Variants in SCGB2B2 observed in about 807,000 individuals in gnomAD.
SCGB2B2 encodes the protein secretoglobin family 2B member 2.
Under a neutral mutation model 7.6 loss-of-function variants are expected in SCGB2B2, and 11 were observed. The ratio of observed to expected loss-of-function variants is 1.45; its 90% CI spans 0.91 to 2.40. The LOEUF (loss-of-function observed/expected upper bound fraction) is 2.40, where lower values mean the gene tolerates loss of function less well. Among genes scored for constraint, SCGB2B2 ranks in the 30% most tolerant of loss-of-function variants. SCGB2B2 has a pLI of 0.00. For synonymous variants in SCGB2B2, 50 were observed against 48.6 expected, an observed-to-expected ratio of 1.03 and a Z score of -0.12; for missense variants, 104 against 115.4, an observed-to-expected ratio of 0.90 and a Z score of 0.45.
At chr19:34,655,561 T>C (rs529565706) in intron 1 of SCGB2B2, among the ~76,000 whole-genome samples, 1 of 151,306 alleles carries the variant, frequency 6.6e-6, no homozygotes, top group East Asian at 1.9e-4. Context: ...GTATTATGTC[T>C]CCCTAAAGTG....
intron 1 of SCGB2B2, among the ~76,000 whole-genome samples, chr19:34,632,484 A>G (rs1458068743): frequency 1.3e-5 from 2 of 152,236 alleles, no homozygotes; most frequent in African/African-American, 4.8e-5. Context: ...GAGGGATGGC[A>G]GTAGTACACA....
intron 1 of SCGB2B2, among the ~76,000 whole-genome samples, chr19:34,657,331 T>TC (rs2067309141): frequency 6.6e-6 from 1 of 151,112 alleles, no homozygotes; most frequent in South Asian, 2.1e-4. Context: ...TCAAGACCCA[T>TC]CAGTGTGCTG....
chr19:34,615,893 G>A (rs541743645), intron 1 of SCGB2B2, among the ~76,000 whole-genome samples: 1 of 142,646 alleles, frequency 7.0e-6, no homozygotes, highest in Non-Finnish European at 1.5e-5. Flanking sequence ...CTGTGTCCAT[G>A]TGTTCTCATT....
intron 1 of SCGB2B2, among the ~76,000 whole-genome samples, chr19:34,630,017 A>T (rs1294716970): frequency 1.3e-5 from 2 of 152,028 alleles, no homozygotes; most frequent in African/African-American, 2.4e-5. Context: ...TGGGGAAAGG[A>T]TTCCCTATTT....
intron 1 of SCGB2B2, among the ~76,000 whole-genome samples, chr19:34,666,012 C>CCAGG (rs1172684316): frequency 6.6e-6 from 1 of 152,112 alleles, no homozygotes; most frequent in Non-Finnish European, 1.5e-5. Context: ...ATGCTCAGCC[C>CCAGG]CCTGCGGCCC....
rs188199893 is a variant in SCGB2B2 at position 34,600,879 on chromosome 19, T to C, written c.-2031-4285A>G. 6.8e-4 allele frequency among the ~76,000 whole-genome samples: 103 copies of C among 151,914 alleles called. 1 individual carries two copies. Among genetic ancestry groups the C allele is most frequent in the Middle Eastern group, 3.4e-3 (1 of 294 alleles). ...ATAAAAAGAAGTTTAAAGTTTACTA[T>C]AATTAAATTTATCAATGCTATATTT... is the stretch of plus-strand genomic sequence containing the variant. On this transcript the variant is annotated intron_variant, in intron 1 of 3. Coordinates refer to ENST00000601241, the MANE Select transcript of SCGB2B2 (RefSeq NM_001025591.4).
chr19:34,590,386 C>A (rs1327545333), downstream of SCGB2B2, among the ~76,000 whole-genome samples: 1 of 130,612 alleles, frequency 7.7e-6, no homozygotes, highest in Non-Finnish European at 1.8e-5. Flanking sequence ...TCCGTTCATC[C>A]ATCCATCCAT....
At chr19:34,655,296 T>C (rs974419553) in intron 1 of SCGB2B2, among the ~76,000 whole-genome samples, 2 of 121,886 alleles carry the variant, frequency 1.6e-5, no homozygotes, top group Non-Finnish European at 3.8e-5. Flanking sequence ...TTAAGTCTGA[T>C]AAGAAACATT....
intron 1 of SCGB2B2, among the ~76,000 whole-genome samples, chr19:34,597,383 T>C (rs984393297): frequency 6.6e-6 from 1 of 151,950 alleles, no homozygotes; most frequent in Admixed American, 6.5e-5. Context: ...CCTGGGGACA[T>C]TGGGGGTGGT....
Position 34,651,907 on chromosome 19 carries a change from C to T in SCGB2B2, c.-2032+23723G>A, listed in dbSNP as rs1236032776. Among the ~76,000 whole-genome samples the T allele has an allele frequency of 3.3e-5, 5 of 151,168 alleles. 1 individual carries two copies. Among genetic ancestry groups the T allele is most frequent in the African/African-American group, 1.2e-4 (5 of 40,472 alleles). On this transcript the variant is annotated intron_variant, in intron 1 of 3. Transcript: ENST00000601241. ...TACAAAGCTATAGTAAACAAAACAGCATGGTACTTGCATAAAAACAGACAC... is the reference window on the plus strand; with the variant it reads ...TACAAAGCTATAGTAAACAAAACAGTATGGTACTTGCATAAAAACAGACAC...
At chr19:34,607,877 C>T (rs971681456) in intron 1 of SCGB2B2, among the ~76,000 whole-genome samples, 29 of 152,114 alleles carry the variant, frequency 1.9e-4, no homozygotes, top group African/African-American at 7.0e-4. Flanking sequence ...AATATTTTCT[C>T]TCATTTTTTA....
chr19:34,589,926 G>A (rs1204490157), downstream of SCGB2B2, among the ~76,000 whole-genome samples: 1 of 152,156 alleles, frequency 6.6e-6, no homozygotes, highest in Non-Finnish European at 1.5e-5. Flanking sequence ...GGGATGGCCT[G>A]GAGCCCAGGG....
chr19:34,653,828 A>G (rs1314065565), intron 1 of SCGB2B2, among the ~76,000 whole-genome samples: 1 of 151,214 alleles, frequency 6.6e-6, no homozygotes, highest in Non-Finnish European at 1.5e-5. Context: ...CAACACAAAT[A>G]TGGTAATATA....
Position 34,595,778 on chromosome 19 carries a change from A to T in SCGB2B2, c.-1215T>A, listed in dbSNP as rs2065433594. 1 of 152,248 alleles carries T rather than the reference A, an allele frequency of 6.6e-6. No homozygotes were observed. The highest frequency in any genetic ancestry group is 6.5e-5 in the Admixed American group (1 of 15,286). The allele number at this position is 152,248 out of a possible 1,614,324, so 9.4% of individuals were successfully genotyped here. A position where few individuals can be genotyped will look rare whatever the true frequency, so the allele number is the denominator to read the frequency against. On this transcript the variant is annotated 5_prime_UTR_variant, in exon 2 of 4. Transcript: ENST00000601241. ...TTTTTGTCTCCTGACAGGACCCTAA[A>T]TTGTAAGTGTGACCCCAGGGGCAGA...
rs1036276693 is a variant in SCGB2B2 at position 34,591,962 on chromosome 19, T to C, written c.*1593A>G. Among the ~76,000 whole-genome samples, 1 of 152,214 alleles carries C rather than the reference T, an allele frequency of 6.6e-6. No homozygotes were observed. Among genetic ancestry groups the C allele is most frequent in the Non-Finnish European group, 1.5e-5 (1 of 68,040 alleles). The stretch of plus-strand genomic sequence containing the variant: ...GAAGCAGGGCCGTCACCTGCCTTGT[T>C]TTCCACTGGGTGCCCGGCTCTGGGA... On this transcript the variant is annotated 3_prime_UTR_variant, in exon 4 of 4. Transcript: ENST00000601241.
chr19:34,599,428 G>A (rs148637971), intron 1 of SCGB2B2, among the ~76,000 whole-genome samples: 7 of 152,340 alleles, frequency 4.6e-5, no homozygotes, highest in South Asian at 2.1e-4. Flanking sequence ...AAAGTTCCAC[G>A]TGGCTGGGGA....
chr19:34,663,186 G>A (rs923844842), intron 1 of SCGB2B2, among the ~76,000 whole-genome samples: 2 of 152,236 alleles, frequency 1.3e-5, no homozygotes, highest in East Asian at 1.9e-4. Context: ...GGCTGGGGGT[G>A]TGCATTGTAC....
chr19:34,659,074 C>T (rs1048445506), intron 1 of SCGB2B2, among the ~76,000 whole-genome samples: 47 of 152,066 alleles, frequency 3.1e-4, no homozygotes, highest in Non-Finnish European at 4.4e-4. Flanking sequence ...AAAAGGCCTT[C>T]GATGAAATTC....
intron 1 of SCGB2B2, among the ~76,000 whole-genome samples, chr19:34,639,060 G>A (rs1001026373): frequency 1.3e-5 from 2 of 152,108 alleles, no homozygotes; most frequent in African/African-American, 4.8e-5. Context: ...CCTGAAAGCC[G>A]TATCCTTTTA....
Sources: gnomAD v4.1 joint callset for allele counts (sites outside exome capture counted in the v4.1 genomes callset) on GRCh38, gnomAD v4.1.1 for gene constraint, MANE v1.5 for transcripts, NCBI Gene and HGNC (gene_info 2026-07-23, HGNC 2026-07-21) for gene names.